The following FAF1 variants were observed in gnomAD, a reference collection of about 807,000 sequenced individuals.
FAF1 encodes FAS-associated factor 1.
Under a neutral mutation model 92.5 loss-of-function variants are expected in FAF1, and 25 were observed. That is an observed-to-expected ratio of 0.27 (90% CI 0.20 to 0.38). The LOEUF is 0.38. Ranked by LOEUF, FAF1 falls within the 10% of genes least tolerant of loss-of-function variation. FAF1 has a pLI of 1.00. For synonymous variants in FAF1, 234 were observed against 273.2 expected, an observed-to-expected ratio of 0.86 and a Z score of 1.42; for missense variants, 636 against 793.3, an observed-to-expected ratio of 0.80 and a Z score of 2.38.
intron 15 of FAF1, among the ~76,000 whole-genome samples, chr1:50,511,109 A>G (rs989555509): frequency 1.3e-5 from 2 of 152,254 alleles, no homozygotes; most frequent in Non-Finnish European, 2.9e-5. Context: ...TAAACACAGC[A>G]AAAGCAGTAA....
In FAF1 at chr1:50,832,088, C is replaced by T. The variant is rs1338034548; in HGVS notation, c.114+25841G>A. 2.0e-5 allele frequency among the ~76,000 whole-genome samples: 3 copies of T among 151,926 alleles called. 1 individual carries two copies. Among genetic ancestry groups the T allele is most frequent in the Admixed American group, 2.0e-4 (3 of 15,234 alleles). On this transcript the variant is annotated intron_variant, in intron 2 of 18. Transcript: ENST00000396153. ...TGCAGGAAAATAAGTTCAGGGTTCC[C>T]ACTGATTCTACATCATGGTGAGTTG...
At chr1:50,511,742 T>A (rs1010757333) in intron 15 of FAF1, among the ~76,000 whole-genome samples, 5 of 152,182 alleles carry the variant, frequency 3.3e-5, no homozygotes, top group Non-Finnish European at 5.9e-5. Context: ...TGATTTATAA[T>A]CCTTTGGGTA....
At chr1:50,807,833 A>C (rs1248585916) in intron 2 of FAF1, among the ~76,000 whole-genome samples, 1 of 152,234 alleles carries the variant, frequency 6.6e-6, no homozygotes, top group Non-Finnish European at 1.5e-5. Flanking sequence ...CATGGAAAAC[A>C]TGTTTTAGAG....
At position 50,960,093 on chromosome 1, in the gene FAF1, G is replaced by A. The variant is rs1401703337; in HGVS notation, c.-282C>T. ...GAAGATTGGTCTGGATGTGGGTCCGGTCTTACAGTCGCGGGCCAGGATGAG... is the reference window on the plus strand; with the variant it reads ...GAAGATTGGTCTGGATGTGGGTCCGATCTTACAGTCGCGGGCCAGGATGAG... On this transcript the variant is annotated 5_prime_UTR_variant, in exon 1 of 19. Coordinates refer to ENST00000396153, the MANE Select transcript of FAF1 (RefSeq NM_007051.3). The A allele has an allele frequency of 2.6e-6, 1 of 391,398 alleles. No individual in the cohort carries two copies. Among genetic ancestry groups the A allele is most frequent in the Non-Finnish European group, 4.5e-6 (1 of 221,310 alleles). 24.2% of individuals were successfully genotyped at this position (391,398 alleles called of 1,614,324 possible).
intron 6 of FAF1, among the ~76,000 whole-genome samples, chr1:50,734,438 C>T (rs1026436304): frequency 2.6e-5 from 4 of 151,870 alleles, no homozygotes; most frequent in African/African-American, 4.8e-5. Context: ...ACATTTGAAA[C>T]GAAAAACACA....
At chr1:50,755,161 G>A (rs763727782) in intron 4 of FAF1, among the ~76,000 whole-genome samples, 1 of 152,062 alleles carries the variant, frequency 6.6e-6, no homozygotes, top group Non-Finnish European at 1.5e-5. Context: ...CCAAATCTGA[G>A]ACAAGGCAAG....
At chr1:50,496,683 GGAGTTT>G (rs372643944) in intron 15 of FAF1, among the ~76,000 whole-genome samples, 461 of 152,258 alleles carry the variant, frequency 3.0e-3, no homozygotes, top group Non-Finnish European at 4.8e-3. Context: ...CCTGAAGTCA[GGAGTTT>G]GAGACCAGCC....
In FAF1 at chr1:50,490,736, A is replaced by G. The variant is rs1389984783; in HGVS notation, c.1576-71T>C. 4.2e-6 allele frequency: 4 copies of G among 962,240 alleles called. No homozygotes were observed. In the East Asian group the frequency reaches 7.2e-5, roughly 17 times the overall value. 59.6% of individuals were successfully genotyped at this position (962,240 alleles called of 1,614,324 possible). ...TTACAAAGAAAGAGAGAAATAAGGAAAGAGAAAAAAGAAAAGAGGAAAGAA... is the reference window on the plus strand; with the variant it reads ...TTACAAAGAAAGAGAGAAATAAGGAGAGAGAAAAAAGAAAAGAGGAAAGAA... On this transcript the variant is annotated intron_variant, in intron 16 of 18. Coordinates refer to ENST00000396153, the MANE Select transcript of FAF1 (RefSeq NM_007051.3).
chr1:50,821,924 C>A (rs771495431), intron 2 of FAF1, among the ~76,000 whole-genome samples: 15 of 151,946 alleles, frequency 9.9e-5, no homozygotes, highest in South Asian at 4.2e-4. Flanking sequence ...TGTTAAATGG[C>A]CTACGGTCAC....
rs1341366444 is a variant in FAF1 at position 50,788,185 on chromosome 1, A to G, written c.182T>C (p.Ile61Thr). ...ILQSEYGGET[I>T]PGPAFNPASH... Reference sequence around the variant, plus strand: ...TGCTGGATTAAATGCAGGTCCTGGTATGGTCTCACCTCCATATTCACTAAA... The same window carrying G: ...TGCTGGATTAAATGCAGGTCCTGGTGTGGTCTCACCTCCATATTCACTAAA... Residue 61 changes from isoleucine to threonine, a missense_variant, in exon 4 of 19, where the codon ATA becomes ACA. Physicochemically the swap from Ile to Thr is moderately conservative, Grantham distance 89. Around this residue, in one of 2 missense-constraint regions of FAF1, gnomAD observed 317 missense variants for 342.4 expected, o/e 0.93. Transcript: ENST00000396153. The G allele has an allele frequency of 6.2e-7, 1 of 1,613,954 alleles. No individual in the cohort carries two copies. Among genetic ancestry groups the G allele is most frequent in the Non-Finnish European group, 8.5e-7 (1 of 1,179,840 alleles).
chr1:50,567,194 C>T lies in FAF1; in HGVS notation c.1151G>A (p.Ser384Asn), dbSNP rs1650214060. 1.9e-6 allele frequency: 3 copies of T among 1,608,970 alleles called. No homozygotes were observed. Among genetic ancestry groups the T allele is most frequent in the African/African-American group, 2.7e-5 (2 of 74,784 alleles). The part of the protein sequence containing the change: ...LLAIYLHHDE[S>N]VLTNVFCSQM... ...TGAGCAGAACACGTTGGTTAACACA[C>T]TTTCATCATGGTGGAGGTAGATAGC... Residue 384 changes from serine to asparagine, a missense_variant, in exon 13 of 19, where the codon AGT (serine) becomes AAT (asparagine). Coordinates refer to ENST00000396153, the MANE Select transcript of FAF1 (RefSeq NM_007051.3).
intron 7 of FAF1, among the ~76,000 whole-genome samples, chr1:50,693,086 C>T (rs1244623531): frequency 6.6e-6 from 1 of 152,172 alleles, no homozygotes; most frequent in Non-Finnish European, 1.5e-5. Context: ...TTCAAATAAC[C>T]TATTTTTCCT....
intron 4 of FAF1, among the ~76,000 whole-genome samples, chr1:50,773,808 C>T (rs1269615347): frequency 2.0e-5 from 3 of 152,052 alleles, no homozygotes; most frequent in Non-Finnish European, 4.4e-5. Context: ...TAATGTATCA[C>T]TCAAAATTGC....
intron 8 of FAF1, among the ~76,000 whole-genome samples, chr1:50,642,935 G>C (rs1654412045): frequency 1.3e-5 from 2 of 152,016 alleles, no homozygotes; most frequent in South Asian, 4.1e-4. Context: ...CTGCCTCCCA[G>C]GTTCAAGCGA....
chr1:50,461,995 T>C (rs1186612984), intron 18 of FAF1, among the ~76,000 whole-genome samples: 1 of 148,126 alleles, frequency 6.8e-6, no homozygotes, highest in Non-Finnish European at 1.5e-5. Context: ...GTTAATTTTA[T>C]ATATATTATA....
intron 1 of FAF1, among the ~76,000 whole-genome samples, chr1:50,896,182 G>A (rs1404835743): frequency 3.9e-5 from 6 of 152,132 alleles, no homozygotes; most frequent in East Asian, 1.9e-4. Flanking sequence ...CTTGCTACTC[G>A]AGAGGCTTAG....
intron 17 of FAF1, among the ~76,000 whole-genome samples, chr1:50,482,971 T>C (rs1442431923): frequency 6.6e-6 from 1 of 152,188 alleles, no homozygotes; most frequent in African/African-American, 2.4e-5. Context: ...ATAGTACAAG[T>C]TTCTAATCTT....
At chr1:50,856,215 T>G (rs887884247) in intron 2 of FAF1, among the ~76,000 whole-genome samples, 3 of 151,774 alleles carry the variant, frequency 2.0e-5, no homozygotes, top group African/African-American at 7.2e-5. Flanking sequence ...ATATCCCTCT[T>G]ACAAGTATCA....
chr1:50,602,293 G>A (rs1652177633), intron 8 of FAF1, among the ~76,000 whole-genome samples: 1 of 152,166 alleles, frequency 6.6e-6, no homozygotes, highest in Admixed American at 6.6e-5. Flanking sequence ...ACAAGACACT[G>A]ATGTAATTTC....
Sources: gnomAD v4.1 joint callset for allele counts (sites outside exome capture counted in the v4.1 genomes callset) on GRCh38, gnomAD v4.1.1 for gene constraint, gnomAD v4.1.1 regional missense constraint, MANE v1.5 for transcripts, NCBI Gene and HGNC (gene_info 2026-07-23, HGNC 2026-07-21) for gene names.